The following UBTD1 variants were observed in gnomAD, a reference collection of about 807,000 sequenced individuals.
UBTD1 encodes ubiquitin domain-containing protein 1.
UBTD1 carries 19 observed loss-of-function variants against 21.7 expected under a neutral mutation model. That is an observed-to-expected ratio of 0.87 (90% CI 0.61 to 1.28). The LOEUF (loss-of-function observed/expected upper bound fraction) is 1.28, where lower values mean the gene tolerates loss of function less well. UBTD1 is among the 50% of genes most tolerant of loss of function. The pLI, the probability that UBTD1 is intolerant of heterozygous loss-of-function variation, is 0.00. For synonymous variants in UBTD1, 116 were observed against 135.1 expected (o/e 0.86, Z 0.98); for missense variants, 282 against 315.1 (o/e 0.89, Z 0.80).
chr10:97,509,524 AC>A (rs1354394511), intron 1 of UBTD1, among the ~76,000 whole-genome samples: 1 of 151,888 alleles, frequency 6.6e-6, no homozygotes, highest in Admixed American at 6.6e-5. Flanking sequence ...CCCTTGTTCC[AC>A]CCCCACTTTT....
intron 1 of UBTD1, among the ~76,000 whole-genome samples, chr10:97,532,491 C>CA (rs1458132316): frequency 3.3e-5 from 5 of 151,518 alleles, no homozygotes; most frequent in Admixed American, 6.6e-5. Context: ...ACTAAAAATA[C>CA]AAAAAAATTA....
Position 97,499,125 on chromosome 10 carries a change from T to C in UBTD1, c.-79T>C. On this transcript the variant is annotated 5_prime_UTR_variant, in exon 1 of 3. An upstream open reading frame in the 5' UTR loses its in-frame stop. Coordinates refer to ENST00000370664, the MANE Select transcript of UBTD1 (RefSeq NM_024954.5). ...CCCGATGCCGGGCGGCCGGAGCCATTGACCCGGGACGCCGCCGTCCGCTGA... is the reference window on the plus strand; with the variant it reads ...CCCGATGCCGGGCGGCCGGAGCCATCGACCCGGGACGCCGCCGTCCGCTGA... The C allele has an allele frequency of 6.9e-7, 1 of 1,450,688 alleles. No homozygotes were observed. The highest frequency in any genetic ancestry group is 9.2e-7 in the Non-Finnish European group (1 of 1,090,290). The allele number at this position is 1,450,688 out of a possible 1,614,324, so 89.9% of individuals were successfully genotyped here.
chr10:97,505,896 CTTTTT>C (rs34415231), intron 1 of UBTD1, among the ~76,000 whole-genome samples: 1 of 152,144 alleles, frequency 6.6e-6, no homozygotes, highest in African/African-American at 2.4e-5. Context: ...GAAGCTTACT[CTTTTT>C]TAAGGAGCAA....
chr10:97,557,399 T>C (rs2040669686), intron 1 of UBTD1, among the ~76,000 whole-genome samples: 1 of 152,146 alleles, frequency 6.6e-6, no homozygotes, highest in African/African-American at 2.4e-5. Flanking sequence ...TTATCAATTC[T>C]AAAAGGTTGC....
At chr10:97,518,614 A>G (rs147976075) in intron 1 of UBTD1, among the ~76,000 whole-genome samples, 1 of 152,168 alleles carries the variant, frequency 6.6e-6, no homozygotes, top group African/African-American at 2.4e-5. Context: ...CTCGTTTCCA[A>G]TCTCAGACCC....
rs58040561 is a variant in UBTD1, at chr10:97,555,467, A to G, written c.71-12447A>G. ...CATGTTTCCATCATAGTCCCAGTGT[A>G]GCAGGACGAGCCACAGACAAAACCT... is the stretch of plus-strand genomic sequence containing the variant. On this transcript the variant is annotated intron_variant, in intron 1 of 2. Coordinates refer to ENST00000370664, the MANE Select transcript of UBTD1 (RefSeq NM_024954.5). Among the ~76,000 whole-genome samples, 893 of 152,274 alleles carry G rather than the reference A, an allele frequency of 5.9e-3. 8 individuals are homozygous for G. The highest frequency in any genetic ancestry group is 0.019 in the African/African-American group (785 of 41,558).
intron 1 of UBTD1, among the ~76,000 whole-genome samples, chr10:97,502,558 C>T (rs936422895): frequency 3.3e-5 from 5 of 152,168 alleles, no homozygotes; most frequent in Admixed American, 1.3e-4. Flanking sequence ...TTCTGGGTCA[C>T]ACTTTCAATA....
chr10:97,534,472 T>C lies in UBTD1; in HGVS notation c.71-33442T>C, dbSNP rs1489582788. 2.0e-5 allele frequency among the ~76,000 whole-genome samples: 3 copies of C among 152,124 alleles called. No individual in the cohort carries two copies. The East Asian group carries it at 5.8e-4, about 29-fold the overall frequency. On this transcript the variant is annotated intron_variant, in intron 1 of 2. Transcript: ENST00000370664. ...AGTCCTGGCTAAGCTTTCTCCACTT[T>C]GTCATGACAAGGATCTTTTACTGCG...
At position 97,552,097 on chromosome 10, in the gene UBTD1, A is replaced by G. The variant is rs994922136; in HGVS notation, c.71-15817A>G. Reference sequence around the variant, plus strand: ...CAGCCCTCCTGTCTTTTTAATATATATAATTATACAGCTGAGCACTTTGGG... The same window carrying G: ...CAGCCCTCCTGTCTTTTTAATATATGTAATTATACAGCTGAGCACTTTGGG... On this transcript the variant is annotated intron_variant, in intron 1 of 2. Transcript: ENST00000370664. Among the ~76,000 whole-genome samples, 7 of 151,866 alleles carry G rather than the reference A, an allele frequency of 4.6e-5. No individual in the cohort carries two copies. In the South Asian group the frequency reaches 6.2e-4, roughly 14 times the overall value.
Position 97,544,382 on chromosome 10 carries a change from G to A in UBTD1, c.71-23532G>A, listed in dbSNP as rs1330884934. Among the ~76,000 whole-genome samples the A allele has an allele frequency of 2.0e-5, 3 of 152,008 alleles. No individual in the cohort carries two copies. The East Asian group carries it at 5.8e-4, about 29-fold the overall frequency. On this transcript the variant is annotated intron_variant, in intron 1 of 2. Transcript: ENST00000370664. ...AAAAGTGTCAGATAACTCCACTGAA[G>A]AGGCTGTGACTTGTTCTGTGTTATT...
chr10:97,552,355 C>T (rs2040642531), intron 1 of UBTD1, among the ~76,000 whole-genome samples: 1 of 151,140 alleles, frequency 6.6e-6, no homozygotes, highest in African/African-American at 2.4e-5. Context: ...AGAGCCAGAC[C>T]CCGTCTAAAA....
intron 1 of UBTD1, among the ~76,000 whole-genome samples, chr10:97,512,283 C>T (rs141152464): frequency 7.9e-5 from 12 of 152,272 alleles, no homozygotes; most frequent in South Asian, 2.1e-4. Flanking sequence ...AGGCAGTTCC[C>T]GGGGGGACAG....
intron 1 of UBTD1, among the ~76,000 whole-genome samples, chr10:97,526,681 T>C (rs1194355456): frequency 6.6e-6 from 1 of 151,822 alleles, no homozygotes; most frequent in East Asian, 1.9e-4. Context: ...TGAAACCCCA[T>C]CTCTACTAAA....
At chr10:97,565,326 A>C (rs2040712128) in intron 1 of UBTD1, among the ~76,000 whole-genome samples, 1 of 152,222 alleles carries the variant, frequency 6.6e-6, no homozygotes, top group African/African-American at 2.4e-5. Context: ...CTTCTATATA[A>C]AATTTAGAAT....
chr10:97,535,432 A>G (rs757316378), intron 1 of UBTD1, among the ~76,000 whole-genome samples: 1 of 152,090 alleles, frequency 6.6e-6, no homozygotes, highest in Non-Finnish European at 1.5e-5. Context: ...TGGCTAACAC[A>G]GTGAAACCCC....
chr10:97,529,682 C>T (rs1409001615), intron 1 of UBTD1, among the ~76,000 whole-genome samples: 9 of 152,222 alleles, frequency 5.9e-5, no homozygotes, highest in African/African-American at 1.4e-4. Flanking sequence ...TGCAGTGAGC[C>T]GAGATGGCAG....
At chr10:97,504,831 T>G (rs559188280) in intron 1 of UBTD1, among the ~76,000 whole-genome samples, 1 of 152,290 alleles carries the variant, frequency 6.6e-6, no homozygotes, top group South Asian at 2.1e-4. Context: ...CAGAGTGGTG[T>G]TCTATCTCTG....
intron 1 of UBTD1, among the ~76,000 whole-genome samples, chr10:97,514,165 G>C (rs2040433639): frequency 6.6e-6 from 1 of 152,084 alleles, no homozygotes. Flanking sequence ...TGTTTGAGAA[G>C]AGACACTCAA....
chr10:97,532,141 C>T (rs776506482), intron 1 of UBTD1, among the ~76,000 whole-genome samples: 14 of 152,240 alleles, frequency 9.2e-5, no homozygotes, highest in South Asian at 6.2e-4. Flanking sequence ...CTGACTGGGC[C>T]GGGAGAGCAG....
Sources: allele counts gnomAD v4.1 joint callset (sites outside exome capture counted in the v4.1 genomes callset), GRCh38; gene constraint gnomAD v4.1.1; transcripts MANE v1.5; gene names NCBI Gene and HGNC (gene_info 2026-07-23, HGNC 2026-07-21).